AFG2A: variants seen among roughly 807,000 people sequenced by gnomAD.
AFG2A encodes ATPase family gene 2 protein homolog A.
chr4:123,270,659 G>T, the AFG2A span, among the ~76,000 whole-genome samples: 4 of 152,060 alleles, frequency 2.6e-5, no homozygotes, highest in Non-Finnish European at 4.4e-5. Flanking sequence ...ATTTTAAAAA[G>T]AAAGAGGAAT....
chr4:123,101,102 A>G, the AFG2A span, among the ~76,000 whole-genome samples: 1 of 151,954 alleles, frequency 6.6e-6, no homozygotes, highest in Non-Finnish European at 1.5e-5. Flanking sequence ...GGCACTATAT[A>G]TCTTAAATAC....
At chr4:123,031,207 A>G in the AFG2A span, among the ~76,000 whole-genome samples, 1 of 152,088 alleles carries the variant, frequency 6.6e-6, no homozygotes, top group Non-Finnish European at 1.5e-5. Flanking sequence ...GCTGGAGTGC[A>G]GTGGCACGAT....
the AFG2A span, among the ~76,000 whole-genome samples, chr4:123,210,413 C>T: frequency 6.6e-6 from 1 of 152,200 alleles, no homozygotes; most frequent in African/African-American, 2.4e-5. Context: ...CTTTTTTACA[C>T]TCCACATATA....
the AFG2A span, among the ~76,000 whole-genome samples, chr4:123,233,714 G>GGTGT: frequency 1.1e-4 from 17 of 149,258 alleles, no homozygotes; most frequent in African/African-American, 4.3e-4. Flanking sequence ...TTCATACATG[G>GGTGT]GTGTATGTGT....
At chr4:123,244,637 T>G in the AFG2A span, among the ~76,000 whole-genome samples, 3 of 152,270 alleles carry the variant, frequency 2.0e-5, no homozygotes, top group East Asian at 5.8e-4. Flanking sequence ...AACCTTTGTT[T>G]GTTTACATTT....
chr4:122,942,828 T>C, the AFG2A span, among the ~76,000 whole-genome samples: 4 of 151,420 alleles, frequency 2.6e-5, no homozygotes, highest in Non-Finnish European at 5.9e-5. Flanking sequence ...GATTCTGGTA[T>C]GTTGTGTCTT....
At chr4:123,148,691 A>G in the AFG2A span, among the ~76,000 whole-genome samples, 1 of 152,130 alleles carries the variant, frequency 6.6e-6, no homozygotes, top group Non-Finnish European at 1.5e-5. Context: ...TTCTTTGATT[A>G]CAAATAGGAG....
chr4:123,031,340 A>G, the AFG2A span, among the ~76,000 whole-genome samples: 2 of 152,116 alleles, frequency 1.3e-5, no homozygotes, highest in Admixed American at 6.6e-5. Context: ...TTTAGTAGAG[A>G]CAGGGTTTCA....
At chr4:123,133,545 A>G in the AFG2A span, among the ~76,000 whole-genome samples, 2 of 150,570 alleles carry the variant, frequency 1.3e-5, no homozygotes, top group African/African-American at 5.0e-5. Context: ...TTATTTATAT[A>G]TATTTTTTGT....
At chr4:122,972,879 C>T in the AFG2A span, among the ~76,000 whole-genome samples, 25 of 152,034 alleles carry the variant, frequency 1.6e-4, no homozygotes, top group Non-Finnish European at 3.1e-4. Context: ...TGCTGGAAAA[C>T]AGAGTTATTT....
the AFG2A span, among the ~76,000 whole-genome samples, chr4:123,236,850 A>G: frequency 5.3e-5 from 8 of 152,244 alleles, no homozygotes; most frequent in Admixed American, 5.2e-4. Flanking sequence ...AGATTCTTCT[A>G]GATGAGCAGA....
chr4:123,226,683 T>A, the AFG2A span, among the ~76,000 whole-genome samples: 1 of 152,170 alleles, frequency 6.6e-6, no homozygotes, highest in African/African-American at 2.4e-5. Flanking sequence ...TTTTTTGTTG[T>A]GTCTCTGCCA....
chr4:123,235,730 A>C, the AFG2A span, among the ~76,000 whole-genome samples: 1 of 152,208 alleles, frequency 6.6e-6, no homozygotes, highest in Non-Finnish European at 1.5e-5. Context: ...TGCTGTTCTC[A>C]GTGCCCAGGG....
the AFG2A span, among the ~76,000 whole-genome samples, chr4:123,045,680 TGTC>T: frequency 6.6e-6 from 1 of 152,212 alleles, no homozygotes; most frequent in African/African-American, 2.4e-5. Context: ...GATTTTAACT[TGTC>T]GTATTTCTAG....
chr4:123,186,979 G>T, the AFG2A span, among the ~76,000 whole-genome samples: 1 of 152,120 alleles, frequency 6.6e-6, no homozygotes, highest in East Asian at 1.9e-4. Context: ...CATTGCAGTG[G>T]CTCCTAGACA....
At chr4:123,188,527 C>T in the AFG2A span, among the ~76,000 whole-genome samples, 4 of 152,278 alleles carry the variant, frequency 2.6e-5, no homozygotes, top group East Asian at 7.7e-4. Context: ...ATAGAGCAAT[C>T]ACATAAGCTT....
At chr4:123,211,392 C>A in the AFG2A span, among the ~76,000 whole-genome samples, 1 of 151,918 alleles carries the variant, frequency 6.6e-6, no homozygotes, top group Non-Finnish European at 1.5e-5. Flanking sequence ...TAGAAAAGGC[C>A]TTAGAAGGTG....
At chr4:123,318,593 C>G in the AFG2A span, 1 of 152,094 alleles carries the variant, frequency 6.6e-6, no homozygotes, top group African/African-American at 2.4e-5. Flanking sequence ...GAAGGTTTTA[C>G]TTCTAATCCC....
At chr4:122,981,276 A>G in the AFG2A span, among the ~76,000 whole-genome samples, 1 of 152,040 alleles carries the variant, frequency 6.6e-6, no homozygotes, top group African/African-American at 2.4e-5. Context: ...TTTTAAAGAG[A>G]TTGTGCTTTC....
Sources: gnomAD v4.1 joint callset for allele counts (sites outside exome capture counted in the v4.1 genomes callset) on GRCh38, gnomAD v4.1.1 for gene constraint, MANE v1.5 for transcripts, NCBI Gene and HGNC (gene_info 2026-07-23, HGNC 2026-07-21) for gene names.